RNF145: variants seen among roughly 807,000 people sequenced by gnomAD.
RNF145 encodes the protein ring finger protein 145.
Under a neutral mutation model 57.3 loss-of-function variants are expected in RNF145, and 12 were observed. The observed-to-expected ratio is 0.21, with a 90% CI of 0.13 to 0.34. The LOEUF (loss-of-function observed/expected upper bound fraction) is 0.34, where lower values mean the gene tolerates loss of function less well. RNF145 is among the 10% of genes least tolerant of loss of function. RNF145 has a pLI of 1.00. For missense variants in RNF145, 429 were observed against 799.0 expected (o/e 0.54, Z 5.58); for synonymous variants, 262 against 288.3 (o/e 0.91, Z 0.92).
At chr5:159,163,190 T>C (rs1784285993) in intron 8 of RNF145, 111 bp from the exon 9 acceptor site, 2 of 984,512 alleles carry the variant, frequency 2.0e-6, no homozygotes, top group Non-Finnish European at 3.0e-6. Flanking sequence ...AAATTCCCAC[T>C]GAACACCCTT....
At chr5:159,185,885 C>T (rs1785037185) in intron 3 of RNF145, among the ~76,000 whole-genome samples, 1 of 152,128 alleles carries the variant, frequency 6.6e-6, no homozygotes, top group Non-Finnish European at 1.5e-5. Context: ...ATAACAGCCT[C>T]CCCTCTTTTA....
chr5:159,197,219 T>A (rs1252054169), intron 2 of RNF145, among the ~76,000 whole-genome samples: 1 of 152,188 alleles, frequency 6.6e-6, no homozygotes. Context: ...AAAGGAAACA[T>A]TCTAGGAAAA....
intron 5 of RNF145, among the ~76,000 whole-genome samples, chr5:159,175,705 A>G (rs1784700431): frequency 6.6e-6 from 1 of 152,168 alleles, no homozygotes; most frequent in Admixed American, 6.5e-5. Context: ...ACTGTGTAAG[A>G]CGAAGATAGA....
chr5:159,171,243 A>C (rs927510500), intron 6 of RNF145, among the ~76,000 whole-genome samples: 9 of 152,220 alleles, frequency 5.9e-5, no homozygotes, highest in African/African-American at 2.2e-4. Context: ...CATTAGTAAC[A>C]ATTTTAAACA....
intron 2 of RNF145, among the ~76,000 whole-genome samples, chr5:159,195,607 G>T (rs1785433359): frequency 6.6e-6 from 1 of 152,004 alleles, no homozygotes; most frequent in Admixed American, 6.5e-5. Context: ...TTACTCTTTG[G>T]CTCTGTTCAT....
intron 4 of RNF145, among the ~76,000 whole-genome samples, chr5:159,179,213 G>C (rs534356523): frequency 6.6e-6 from 1 of 151,990 alleles, no homozygotes; most frequent in Admixed American, 6.6e-5. Context: ...CTCATATGGC[G>C]TATTTAAGAG....
chr5:159,184,178 A>C (rs924239707), intron 3 of RNF145, among the ~76,000 whole-genome samples: 4 of 152,200 alleles, frequency 2.6e-5, no homozygotes, highest in Non-Finnish European at 5.9e-5. Context: ...GATATTTTAT[A>C]ATAAAGCTCA....
chr5:159,184,267 T>C (rs1784989073), intron 3 of RNF145, among the ~76,000 whole-genome samples: 1 of 152,268 alleles, frequency 6.6e-6, no homozygotes, highest in African/African-American at 2.4e-5. Flanking sequence ...CCTACGTTAG[T>C]TTATCCTCTT....
Position 159,200,879 on chromosome 5 carries a change from A to G in RNF145, c.184+2555T>C, listed in dbSNP as rs181231119. ...TATGTGTATGTTCAATTCATTCATA[A>G]TAGAAATGCAAACTAAAACTACATT... On this transcript the variant is annotated intron_variant, in intron 2 of 10. Coordinates refer to ENST00000424310, the MANE Select transcript of RNF145 (RefSeq NM_001199383.2). Among the ~76,000 whole-genome samples the G allele has an allele frequency of 2.3e-4, 35 of 152,326 alleles. No homozygotes were observed. The East Asian group carries it at 6.6e-3, about 29-fold the overall frequency.
intron 8 of RNF145, among the ~76,000 whole-genome samples, chr5:159,166,668 T>C (rs1047629577): frequency 6.6e-6 from 1 of 152,268 alleles, no homozygotes; most frequent in African/African-American, 2.4e-5. Context: ...CTGTGGTCTC[T>C]ATTCCACTGG....
chr5:159,177,937 A>G (rs1784769458), intron 4 of RNF145, among the ~76,000 whole-genome samples: 1 of 151,978 alleles, frequency 6.6e-6, no homozygotes, highest in South Asian at 2.1e-4. Flanking sequence ...TTCTTTGCCC[A>G]TTTTTCTGCT....
intron 3 of RNF145, among the ~76,000 whole-genome samples, chr5:159,193,839 C>A (rs1171824428): frequency 6.6e-6 from 1 of 152,192 alleles, no homozygotes; most frequent in Non-Finnish European, 1.5e-5. Flanking sequence ...GTACTATATG[C>A]AAGGTCACTC....
intron 3 of RNF145, 129 bp from the exon 4 acceptor site, chr5:159,182,180 A>G: frequency 2.0e-6 from 1 of 493,826 alleles, no homozygotes; most frequent in Non-Finnish European, 3.7e-6. Context: ...GATATGAAGA[A>G]TTATATATAA....
At chr5:159,189,233 T>A (rs568663098) in intron 3 of RNF145, among the ~76,000 whole-genome samples, 10 of 151,832 alleles carry the variant, frequency 6.6e-5, no homozygotes, top group Admixed American at 5.9e-4. Flanking sequence ...GTATCTAGAA[T>A]ATATAAAGAA....
At chr5:159,173,006 G>A (rs1410408027) in intron 6 of RNF145, among the ~76,000 whole-genome samples, 1 of 151,954 alleles carries the variant, frequency 6.6e-6, no homozygotes, top group Non-Finnish European at 1.5e-5. Flanking sequence ...ACTCAAGAGT[G>A]GAAAAAATAA....
intron 8 of RNF145, among the ~76,000 whole-genome samples, chr5:159,165,339 T>C (rs1435903378): frequency 6.6e-6 from 1 of 152,244 alleles, no homozygotes; most frequent in Non-Finnish European, 1.5e-5. Context: ...TGGTTTTATC[T>C]ATATGTATTT....
chr5:159,198,998 A>C (rs1182304946), intron 2 of RNF145, among the ~76,000 whole-genome samples: 2 of 152,154 alleles, frequency 1.3e-5, no homozygotes, highest in African/African-American at 4.8e-5. Context: ...ATATATATAA[A>C]ATTCATTCAT....
At chr5:159,191,385 G>T (rs545377797) in intron 3 of RNF145, among the ~76,000 whole-genome samples, 1 of 152,208 alleles carries the variant, frequency 6.6e-6, no homozygotes, top group South Asian at 2.1e-4. Context: ...CTAGCTGTTT[G>T]CCTACTTCCT....
At chr5:159,182,383 A>G (rs971332353) in intron 3 of RNF145, among the ~76,000 whole-genome samples, 13 of 151,928 alleles carry the variant, frequency 8.6e-5, no homozygotes, top group Non-Finnish European at 1.9e-4. Context: ...ACACTAACCA[A>G]TCACATCTAG....
Sources: gnomAD v4.1 joint callset for allele counts (sites outside exome capture counted in the v4.1 genomes callset) on GRCh38, gnomAD v4.1.1 for gene constraint, MANE v1.5 for transcripts, NCBI Gene and HGNC (gene_info 2026-07-23, HGNC 2026-07-21) for gene names.